The following SNX29 variants were observed in gnomAD, a reference collection of about 807,000 sequenced individuals.
SNX29 encodes sorting nexin 29.
A neutral mutation model predicts 102.1 loss-of-function variants in SNX29; 78 were observed. The ratio of observed to expected loss-of-function variants is 0.76; its 90% CI spans 0.64 to 0.92. SNX29 has a LOEUF of 0.92. SNX29 is among the 40% of genes least tolerant of loss of function. SNX29 has a pLI of 0.00. For synonymous variants in SNX29, 580 were observed against 414.5 expected (o/e 1.40, Z -4.85); for missense variants, 1,280 against 1,061.7 (o/e 1.21, Z -2.86).
At chr16:12,347,295 C>T (rs577168999) in intron 15 of SNX29, among the ~76,000 whole-genome samples, 4 of 152,138 alleles carry the variant, frequency 2.6e-5, no homozygotes, top group East Asian at 1.9e-4. Context: ...CTTTATGGTG[C>T]GGCATTGAGG....
chr16:11,993,295 C>G (rs766761908), intron 1 of SNX29, among the ~76,000 whole-genome samples: 1 of 152,224 alleles, frequency 6.6e-6, no homozygotes, highest in East Asian at 1.9e-4. Context: ...GGAATATAGC[C>G]GGAGTGCCTG....
At chr16:12,436,112 G>A (rs1166032307) in intron 18 of SNX29, among the ~76,000 whole-genome samples, 4 of 152,198 alleles carry the variant, frequency 2.6e-5, no homozygotes, top group African/African-American at 9.6e-5. Flanking sequence ...TGGTGATGCA[G>A]ACGTAGCTGA....
chr16:12,330,783 T>C (rs927781998), intron 15 of SNX29, among the ~76,000 whole-genome samples: 1 of 152,162 alleles, frequency 6.6e-6, no homozygotes, highest in Non-Finnish European at 1.5e-5. Context: ...TGGATTCTAT[T>C]TGGTCACTCA....
At chr16:12,364,886 G>T (rs1038075108) in intron 16 of SNX29, among the ~76,000 whole-genome samples, 3 of 152,020 alleles carry the variant, frequency 2.0e-5, no homozygotes, top group Non-Finnish European at 1.5e-5. Flanking sequence ...CACCACCTCC[G>T]CTCTCTCACT....
intron 19 of SNX29, among the ~76,000 whole-genome samples, chr16:12,508,391 C>T (rs6498312): frequency 3.9e-5 from 6 of 152,034 alleles, no homozygotes; most frequent in African/African-American, 1.2e-4. Context: ...GCAGCGGGGC[C>T]GCAACAAGCT....
At chr16:12,564,291 T>C (rs1004078603) in intron 20 of SNX29, among the ~76,000 whole-genome samples, 1 of 152,214 alleles carries the variant, frequency 6.6e-6, no homozygotes, top group Non-Finnish European at 1.5e-5. Flanking sequence ...AAAGTTCCTA[T>C]GAAGTTGCTG....
rs768184049 is a variant in SNX29, at chr16:12,048,504, C to T, written c.632C>T (p.Thr211Met). 6 of 1,613,802 alleles carry T rather than the reference C, an allele frequency of 3.7e-6. No individual in the cohort carries two copies. Among genetic ancestry groups the T allele is most frequent in the East Asian group, 2.2e-5 (1 of 44,896 alleles). The change falls in exon 7 of 21, where the codon ACG becomes ATG. Residue 211 changes from threonine to methionine, a missense_variant. Thr to Met is a moderately conservative substitution (Grantham distance 81, BLOSUM62 -1). Transcript: ENST00000566228. Reference protein sequence around the residue: ...QNVTSLLKESTQGVSSLFREI... With the variant: ...QNVTSLLKESMQGVSSLFREI... ...GTGACCTCCTTGCTGAAGGAGTCCA[C>T]GCAAGGAGTGAGCAGCCTGTTCAGG...
chr16:12,237,466 T>C (rs961455216), intron 14 of SNX29, among the ~76,000 whole-genome samples: 4 of 152,212 alleles, frequency 2.6e-5, no homozygotes, highest in African/African-American at 9.6e-5. Context: ...GCCATGCCCC[T>C]GGATAGGATT....
chr16:12,218,997 A>G (rs1170828910), intron 14 of SNX29, among the ~76,000 whole-genome samples: 1 of 152,044 alleles, frequency 6.6e-6, no homozygotes, highest in Non-Finnish European at 1.5e-5. Context: ...GTTGGTCTCG[A>G]TCTCCTGACC....
chr16:12,426,053 CA>C (rs200572235), intron 18 of SNX29, among the ~76,000 whole-genome samples: 7 of 146,656 alleles, frequency 4.8e-5, no homozygotes, highest in Non-Finnish European at 1.0e-4. Context: ...CTTACTGGGA[CA>C]AAAAAAATAT....
intron 18 of SNX29, among the ~76,000 whole-genome samples, chr16:12,467,285 T>C (rs1414281796): frequency 6.6e-6 from 1 of 152,170 alleles, no homozygotes; most frequent in Non-Finnish European, 1.5e-5. Flanking sequence ...CTGTGTTCTC[T>C]CTCCAGTAAT....
rs1320791362 is a variant in SNX29 at position 12,370,740 on chromosome 16, G to A, written c.1899+14461G>A. Reference sequence around the variant, plus strand: ...TAGTAAAAGTCAATGCTGTTTCGCTGTGTGTTTCATGGAGTTTGGTTCCCT... The same window carrying A: ...TAGTAAAAGTCAATGCTGTTTCGCTATGTGTTTCATGGAGTTTGGTTCCCT... On this transcript the variant is annotated intron_variant, in intron 16 of 20. Coordinates refer to ENST00000566228, the MANE Select transcript of SNX29 (RefSeq NM_032167.5). 4.6e-5 allele frequency among the ~76,000 whole-genome samples: 7 copies of A among 152,184 alleles called. No individual in the cohort carries two copies. The South Asian group carries it at 1.5e-3, about 32-fold the overall frequency.
At chr16:12,238,935 G>T (rs2078018284) in intron 14 of SNX29, among the ~76,000 whole-genome samples, 1 of 152,168 alleles carries the variant, frequency 6.6e-6, no homozygotes, top group Admixed American at 6.5e-5. Flanking sequence ...TAGCCAGCAT[G>T]TCTGTGTTGT....
chr16:12,563,112 G>C (rs954910967), intron 20 of SNX29, among the ~76,000 whole-genome samples: 1 of 151,068 alleles, frequency 6.6e-6, no homozygotes, highest in African/African-American at 2.4e-5. Context: ...GCTAACAACA[G>C]AGCCTAGGAA....
rs1239037001 is a variant in SNX29, at chr16:12,571,931, A to G, written c.*3302A>G. ...CTCTACTGGCAGGCCCTGGTGAAGG[A>G]AGACACTTTCAGGGAAGAGGCTCTT... On this transcript the variant is annotated 3_prime_UTR_variant, in exon 21 of 21. Transcript: ENST00000566228. 3 of 1,062,202 alleles carry G rather than the reference A, an allele frequency of 2.8e-6. No homozygotes were observed. The East Asian group carries it at 1.5e-4, about 54-fold the overall frequency. The allele number at this position is 1,062,202 out of a possible 1,614,324, so 65.8% of individuals were successfully genotyped here.
At chr16:12,219,114 A>G (rs990828426) in intron 14 of SNX29, among the ~76,000 whole-genome samples, 1 of 152,190 alleles carries the variant, frequency 6.6e-6, no homozygotes, top group African/African-American at 2.4e-5. Context: ...GATTGTAGTA[A>G]GCTGTCTCCT....
chr16:12,212,683 T>G (rs759462424), intron 14 of SNX29, among the ~76,000 whole-genome samples: 2 of 152,268 alleles, frequency 1.3e-5, no homozygotes, highest in African/African-American at 2.4e-5. Context: ...TTAATGAGAT[T>G]ATTCATTTTT....
chr16:12,126,942 T>C (rs2054237248), intron 12 of SNX29, among the ~76,000 whole-genome samples: 1 of 152,240 alleles, frequency 6.6e-6, no homozygotes, highest in South Asian at 2.1e-4. Flanking sequence ...GCTAAGAATT[T>C]GGTAGAGTGA....
chr16:12,145,963 G>A (rs1245212522), intron 13 of SNX29, among the ~76,000 whole-genome samples: 2 of 152,200 alleles, frequency 1.3e-5, no homozygotes, highest in African/African-American at 4.8e-5. Flanking sequence ...ATGTTAGAAG[G>A]TAAGCATGTT....
Sources: gnomAD v4.1 joint callset for allele counts (sites outside exome capture counted in the v4.1 genomes callset) on GRCh38, gnomAD v4.1.1 for gene constraint, MANE v1.5 for transcripts, NCBI Gene and HGNC (gene_info 2026-07-23, HGNC 2026-07-21) for gene names.